Variants in USP11 observed in about 807,000 individuals in gnomAD.
USP11 encodes ubiquitin carboxyl-terminal hydrolase 11.
A neutral mutation model predicts 72.8 loss-of-function variants in USP11; 5 were observed. The observed-to-expected ratio is 0.07, with a 90% confidence interval of 0.04 to 0.14. The LOEUF (loss-of-function observed/expected upper bound fraction) is 0.14, where lower values mean the gene tolerates loss of function less well. Among genes scored for constraint, USP11 ranks in the 10% least tolerant of loss-of-function variants. The pLI, the probability that USP11 is intolerant of heterozygous loss-of-function variation, is 1.00. For missense variants in USP11, 480 were observed against 794.7 expected (o/e 0.60, Z 4.76); for synonymous variants, 368 against 326.5 (o/e 1.13, Z -1.37).
At chrX:47,236,836 G>A (rs924581871) in intron 1 of USP11, among the ~76,000 whole-genome samples, 8 of 111,967 alleles carry the variant, frequency 7.1e-5, no homozygotes, top group African/African-American at 2.6e-4. Flanking sequence ...TGAATACCCA[G>A]CTGTAAATAT....
chrX:47,242,766 C>A, intron 12 of USP11, 46 bp downstream of exon 12: 1 of 1,026,403 alleles, frequency 9.7e-7, no homozygotes, highest in Non-Finnish European at 1.4e-6. Context: ...GGAACTTGGT[C>A]CACTTCCTTT....
At position 47,245,399 on chromosome X, in the gene USP11, C is replaced by T. The variant is rs760225481; in HGVS notation, c.2187C>T (p.Tyr729=). 1.3e-5 allele frequency: 16 copies of T among 1,209,527 alleles called. No individual in the cohort carries two copies. Among genetic ancestry groups the T allele is most frequent in the South Asian group, 3.5e-5 (2 of 56,820 alleles). ...ACGTGAAGCATGACTGCGTCGGGTA[C>T]GTGATGAAGAAGGCTCCCGTGCGGC... ...EGYVKHDCVG[Y]VMKKAPVRLQ... is the part of the protein sequence containing the mutation. Residue 729 remains tyrosine, a synonymous_variant, in exon 17 of 21, where the codon TAC becomes TAT. Transcript: ENST00000377107.
chrX:47,235,944 A>T (rs758271920), intron 1 of USP11, among the ~76,000 whole-genome samples: 2 of 111,580 alleles, frequency 1.8e-5, no homozygotes, highest in South Asian at 7.4e-4. Flanking sequence ...GCCTCTTCCT[A>T]CCTTTGTAGC....
chrX:47,238,340 A>G (rs996268907), intron 1 of USP11, among the ~76,000 whole-genome samples: 5 of 109,958 alleles, frequency 4.5e-5, no homozygotes, highest in South Asian at 3.9e-4. Context: ...GGCACGTGCC[A>G]GCACACCTGG....
rs373708189 is a variant in USP11 at position 47,240,643 on chromosome X, T to C, written c.738T>C (p.His246=). ...GCACTTGGCCCAGCGCACAGCTGCA[T>C]GTCATGTGAGCCCTTGGGGTATCTG... is the stretch of plus-strand genomic sequence containing the variant. ...KDGTWPSAQL[H]VMNNNMSEED... is the part of the protein sequence containing the mutation. The change falls in exon 6 of 21, where the codon CAT becomes CAC. Residue 246 remains histidine, a synonymous_variant. Transcript: ENST00000377107. 8.3e-7 allele frequency: 1 copy of C among 1,210,597 alleles called. No individual in the cohort carries two copies. Among genetic ancestry groups the C allele is most frequent in the African/African-American group, 1.7e-5 (1 of 57,349 alleles).
chrX:47,244,855 C>G lies in USP11; in HGVS notation c.2017C>G (p.Leu673Val). ...GCCCCCAAGGCGACGACGCAAGCAG[C>G]TGTTCACCCTGCAGACGGTGAACTC... ...QWPPRRRRKQ[L>V]FTLQTVNSNG... Residue 673 changes from leucine to valine, a missense_variant, in exon 15 of 21, where the codon CTG becomes GTG. Leu to Val is a conservative substitution (Grantham distance 32). Transcript: ENST00000377107. 1 of 1,211,860 alleles carries G rather than the reference C, an allele frequency of 8.3e-7. No individual in the cohort carries two copies. Among genetic ancestry groups the G allele is most frequent in the Non-Finnish European group, 1.1e-6 (1 of 895,549 alleles).
At chrX:47,240,270 C>T (rs761818416) in intron 4 of USP11, 35 bp from the exon 5 acceptor site, 2 of 1,201,722 alleles carry the variant, frequency 1.7e-6, no homozygotes, top group South Asian at 3.6e-5. Flanking sequence ...TTGGGTCTCA[C>T]AAAGATCTTG....
At position 47,247,951 on chromosome X, in the gene USP11, GAA is replaced by G. The variant is rs752228966; in HGVS notation, c.*36_*37del. On this transcript the variant is annotated 3_prime_UTR_variant, in exon 21 of 21. Coordinates refer to ENST00000377107, the MANE Select transcript of USP11 (RefSeq NM_001371072.1). ...ATTGAGAGCCCTGGGTCCTGCCACA[GAA>G]AAAAAAAAAAAAAAGCCCTCTCTGC... is the stretch of plus-strand genomic sequence containing the variant. The G allele has an allele frequency of 4.8e-3, 4,609 of 955,153 alleles. No individual in the cohort carries two copies. The highest frequency in any genetic ancestry group is 0.017 in the Admixed American group (344 of 20,199). The allele number at this position is 955,153 out of a possible 1,213,427, so 78.7% of individuals were successfully genotyped here. A position where few individuals can be genotyped will look rare whatever the true frequency, so the allele number is the denominator to read the frequency against.
intron 19 of USP11, 67 bp from the exon 20 acceptor site, chrX:47,247,544 A>T: frequency 8.7e-7 from 1 of 1,144,128 alleles, no homozygotes; most frequent in Non-Finnish European, 1.2e-6. Context: ...GAGGAGTGAC[A>T]AGAGTGAATC....
intron 1 of USP11, among the ~76,000 whole-genome samples, chrX:47,235,959 T>C (rs1239865153): frequency 1.8e-5 from 2 of 112,127 alleles, no homozygotes; most frequent in African/African-American, 3.2e-5. Flanking sequence ...TGTAGCCTTG[T>C]GATTGTGTCA....
In USP11 at chrX:47,244,738, C is replaced by T. The variant is rs775998394; in HGVS notation, c.1900C>T (p.Arg634Ter). The T allele has an allele frequency of 8.3e-7, 1 of 1,207,245 alleles. No homozygotes were observed. The highest frequency in any genetic ancestry group is 1.8e-5 in the African/African-American group (1 of 56,713). ...TGGGCCCTCAACTGGGGGCAGCCTC[C>T]GAGACCCTGAGCCAGAGCAGGCTGG... Reference protein sequence around the residue: ...VPGPSTGGSLRDPEPEQAGPS... With the variant: ...VPGPSTGGSL Residue 634 changes from arginine (R) to a stop codon, truncating the protein, a stop_gained, in exon 15 of 21, where the codon CGA becomes TGA. Coordinates refer to ENST00000377107, the MANE Select transcript of USP11 (RefSeq NM_001371072.1). LOFTEE classifies it high-confidence loss of function.
In USP11 at chrX:47,233,078, CGGCGGCTGT is replaced by C. The variant is rs781722329; in HGVS notation, c.42_50del (p.Val15_Ala17del). The C allele has an allele frequency of 2.2e-5, 26 of 1,206,963 alleles. No homozygotes were observed. The highest frequency in any genetic ancestry group is 6.6e-5 in the Admixed American group (3 of 45,486). On this transcript the variant is annotated inframe_deletion, in exon 1 of 21. Coordinates refer to ENST00000377107, the MANE Select transcript of USP11 (RefSeq NM_001371072.1). The stretch of plus-strand genomic sequence containing the variant: ...GTCGCAGCAAATCCAGCTGCTGCTG[CGGCGGCTGT>C]GGCGGCGGCAGCGGCGGTGACTGAG...
intron 7 of USP11, 111 bp downstream of exon 7, chrX:47,240,987 G>A: frequency 1.3e-6 from 1 of 769,623 alleles, no homozygotes. Context: ...GGGTCAGGAT[G>A]AAAGCTGAGG....
At chrX:47,247,267 G>A (rs898515597) in intron 18 of USP11, 37 bp from the exon 19 acceptor site, 1 of 1,209,246 alleles carries the variant, frequency 8.3e-7, no homozygotes, top group Admixed American at 2.2e-5. Context: ...AGGGAAAGGA[G>A]GGGGTGTACC....
At position 47,240,458 on chromosome X, in the gene USP11, T is replaced by TGGGGA. The variant is rs773838253; in HGVS notation, c.681+12_681+16dup. On this transcript the variant is annotated intron_variant, in intron 5 of 20. Coordinates refer to ENST00000377107, the MANE Select transcript of USP11 (RefSeq NM_001371072.1). The stretch of plus-strand genomic sequence containing the variant: ...GCCCTTGAGACTGGGCAGGTAAGGG[T>TGGGGA]GGGGAGGGCTTTTCTGTTCAGGTGG... 61 of 1,208,171 alleles carry TGGGGA rather than the reference T, an allele frequency of 5.0e-5. No individual in the cohort carries two copies. The Admixed American group carries it at 9.6e-4, about 19-fold the overall frequency.
chrX:47,242,180 C>G lies in USP11; in HGVS notation c.1278C>G (p.Pro426=), dbSNP rs181533339. ...TCTTCAAGTCCACGCTGGTGTGCCC[C>G]GATTGTGGCAATGTATCTGTGACCT... ...HGLFKSTLVC[P]DCGNVSVTFD... The change falls in exon 10 of 21, where the codon CCC becomes CCG. Residue 426 remains proline, a synonymous_variant. Coordinates refer to ENST00000377107, the MANE Select transcript of USP11 (RefSeq NM_001371072.1). 8.3e-7 allele frequency: 1 copy of G among 1,211,445 alleles called. No individual in the cohort carries two copies. Among genetic ancestry groups the G allele is most frequent in the Non-Finnish European group, 1.1e-6 (1 of 895,289 alleles).
chrX:47,239,949 C>T, intron 4 of USP11, 42 bp downstream of exon 4: 1 of 1,124,205 alleles, frequency 8.9e-7, no homozygotes, highest in East Asian at 3.0e-5. Flanking sequence ...TTCCTAGCTA[C>T]TAGTCCCAAC....
rs2055407266 is a variant in USP11 at position 47,242,249 on chromosome X, C to T, written c.1347C>T (p.His449=). 1 of 1,212,249 alleles carries T rather than the reference C, an allele frequency of 8.2e-7. No homozygotes were observed. Among genetic ancestry groups the T allele is most frequent in the Non-Finnish European group, 1.1e-6 (1 of 895,614 alleles). The stretch of plus-strand genomic sequence containing the variant: ...TCAGTGTTCCACTGCCTATCAGCCA[C>T]AAGAGGGTCTTGGAGGTCTTCTTTA... ...CYLSVPLPIS[H]KRVLEVFFIP... is the part of the protein sequence containing the mutation. The change falls in exon 10 of 21, where the codon CAC becomes CAT. Residue 449 remains histidine, a synonymous_variant. Transcript: ENST00000377107.
intron 16 of USP11, 45 bp downstream of exon 16, chrX:47,245,131 C>T: frequency 8.5e-7 from 1 of 1,177,453 alleles, no homozygotes; most frequent in Non-Finnish European, 1.1e-6. Context: ...GCTCTTGCCC[C>T]TCAACTCTTC....
Sources: allele counts gnomAD v4.1 joint callset (sites outside exome capture counted in the v4.1 genomes callset), GRCh38; gene constraint gnomAD v4.1.1; transcripts MANE v1.5; gene names NCBI Gene and HGNC (gene_info 2026-07-23, HGNC 2026-07-21).